Variants in ZNF236 observed in about 807,000 individuals in gnomAD.
ZNF236 encodes the protein regulated by glucose.
In ZNF236, 50 loss-of-function variants were observed where a neutral mutation model predicts 191.2. That is an observed-to-expected ratio of 0.26 (90% CI 0.21 to 0.33). The LOEUF (loss-of-function observed/expected upper bound fraction) is 0.33, where lower values mean the gene tolerates loss of function less well. ZNF236 is among the 10% of genes least tolerant of loss of function. The pLI is 1.00. For missense variants in ZNF236, 1,754 were observed against 2,374.5 expected, an observed-to-expected ratio of 0.74 and a Z score of 5.43; for synonymous variants, 907 against 928.8, an observed-to-expected ratio of 0.98 and a Z score of 0.43.
intron 1 of ZNF236, chr18:76,834,773 C>G: frequency 2.2e-6 from 1 of 459,110 alleles, no homozygotes; most frequent in Non-Finnish European, 4.3e-6. Flanking sequence ...GTACTTGTCT[C>G]TTAGCTCTTT....
intron 26 of ZNF236, among the ~76,000 whole-genome samples, chr18:76,940,639 T>C (rs1968114375): frequency 6.6e-6 from 1 of 152,214 alleles, no homozygotes; most frequent in Non-Finnish European, 1.5e-5. Flanking sequence ...GAGAGCGTAT[T>C]TTCTGTATGT....
Position 76,960,900 on chromosome 18 carries a change from G to A in ZNF236, c.5419+45G>A, listed in dbSNP as rs375475468. On this transcript the variant is annotated intron_variant, in intron 30 of 30. Transcript: ENST00000320610. This position sits in a 1 kb window ranked among gnomAD's most constrained non-coding sequence, Gnocchi z 4.4. Reference sequence around the variant, plus strand: ...GAGTGCGTGCTGTTCGGTGGCCTGCGAGGCACCCTGTGTTTCGCATACATT... The same window carrying A: ...GAGTGCGTGCTGTTCGGTGGCCTGCAAGGCACCCTGTGTTTCGCATACATT... 187 of 1,557,834 alleles carry A rather than the reference G, an allele frequency of 1.2e-4. No homozygotes were observed. Among genetic ancestry groups the A allele is most frequent in the African/African-American group, 6.7e-4 (49 of 73,196 alleles).
intron 3 of ZNF236, among the ~76,000 whole-genome samples, chr18:76,854,910 A>G (rs1975999961): frequency 6.6e-6 from 1 of 152,088 alleles, no homozygotes; most frequent in African/African-American, 2.4e-5. Flanking sequence ...AAAAATGGCT[A>G]TAGTTATATT....
At chr18:76,918,047 A>C (rs1196283620) in intron 19 of ZNF236, among the ~76,000 whole-genome samples, 1 of 151,724 alleles carries the variant, frequency 6.6e-6, no homozygotes. Context: ...TTGTTTTTAA[A>C]TTTACTTATT....
Position 76,851,822 on chromosome 18 carries a change from C to T in ZNF236, c.246C>T (p.Asn82=). Reference sequence around the variant, plus strand: ...CCCAAACATTTAATGTTGAATTCAACCTGACACTTCATAAATGCACCCACA... The same window carrying T: ...CCCAAACATTTAATGTTGAATTCAATCTGACACTTCATAAATGCACCCACA... The part of the protein sequence containing the change: ...QCPQTFNVEF[N]LTLHKCTHSG... Residue 82 remains asparagine, a synonymous_variant, in exon 3 of 31, where the codon AAC becomes AAT. Coordinates refer to ENST00000320610, the MANE Select transcript of ZNF236 (RefSeq NM_001306089.2). 5 of 1,614,036 alleles carry T rather than the reference C, an allele frequency of 3.1e-6. No individual in the cohort carries two copies. Among genetic ancestry groups the T allele is most frequent in the Non-Finnish European group, 4.2e-6 (5 of 1,179,952 alleles).
At chr18:76,950,195 G>A (rs1968370135) in intron 27 of ZNF236, among the ~76,000 whole-genome samples, 1 of 152,112 alleles carries the variant, frequency 6.6e-6, no homozygotes, top group Non-Finnish European at 1.5e-5. Flanking sequence ...TTCCTTTCAT[G>A]AAAGATTTCC....
intron 1 of ZNF236, among the ~76,000 whole-genome samples, chr18:76,837,121 A>ACCCC (rs1257822007): frequency 3.1e-5 from 1 of 32,694 alleles, no homozygotes; most frequent in Non-Finnish European, 7.6e-5. Context: ...AGTGATCCGC[A>ACCCC]CCCCCTCCCC....
chr18:76,877,783 A>G (rs907462123), intron 6 of ZNF236, among the ~76,000 whole-genome samples: 2 of 152,226 alleles, frequency 1.3e-5, no homozygotes, highest in Non-Finnish European at 2.9e-5. Context: ...TTTCTATTTT[A>G]TAGAAAAGAC....
chr18:76,892,173 T>TTG (rs1448358829), intron 9 of ZNF236, among the ~76,000 whole-genome samples: 3 of 127,934 alleles, frequency 2.3e-5, no homozygotes, highest in Non-Finnish European at 4.6e-5. Context: ...TCTGGGTTTT[T>TTG]TTTTTTTTTT....
intron 9 of ZNF236, among the ~76,000 whole-genome samples, chr18:76,892,053 T>G (rs1977253203): frequency 6.6e-6 from 1 of 151,972 alleles, no homozygotes; most frequent in Non-Finnish European, 1.5e-5. Context: ...AGATGATAAA[T>G]TAAACCAGGG....
At position 76,960,670 on chromosome 18, in the gene ZNF236, T is replaced by C; in HGVS notation, c.5243-9T>C. On this transcript the variant is annotated splice_polypyrimidine_tract_variant and intron_variant, in intron 29 of 30. Coordinates refer to ENST00000320610, the MANE Select transcript of ZNF236 (RefSeq NM_001306089.2). This position sits in a 1 kb window ranked among gnomAD's most constrained non-coding sequence, Gnocchi z 4.4. ...TTAGAGACATTGACATATGCCATTT[T>C]CTGTACAGGGGAGCGGCCGTTCCAT... 2 of 1,614,220 alleles carry C rather than the reference T, an allele frequency of 1.2e-6. No individual in the cohort carries two copies. The highest frequency in any genetic ancestry group is 1.7e-6 in the Non-Finnish European group (2 of 1,180,046).
chr18:76,899,299 A>G (rs2122721603), intron 11 of ZNF236, 77 bp downstream of exon 11: 3 of 1,270,780 alleles, frequency 2.4e-6, no homozygotes, highest in East Asian at 4.8e-5. Flanking sequence ...GTGTACACAC[A>G]TTATGGTCTC....
Position 76,927,514 on chromosome 18 carries a change from A to C in ZNF236, c.4411A>C (p.Ser1471Arg). ...GGATTCAGTGCTGACCACTAACAGC[A>C]GTGGTAAGAGCCACTCACTTTTGCT... Reference protein sequence around the residue: ...EQDSVLTTNSSGTQDLTQVMT... With the variant: ...EQDSVLTTNSRGTQDLTQVMT... Residue 1471 changes from serine (S) to arginine (R), a missense_variant, in exon 24 of 31, where the codon AGT (serine) becomes CGT (arginine). By Grantham distance (110) the Ser-to-Arg change is moderately radical. Transcript: ENST00000320610. This position sits in a 1 kb window ranked among gnomAD's most constrained non-coding sequence, Gnocchi z 5.4. 6.2e-7 allele frequency: 1 copy of C among 1,613,540 alleles called. No individual in the cohort carries two copies. The highest frequency in any genetic ancestry group is 8.5e-7 in the Non-Finnish European group (1 of 1,179,826).
intron 1 of ZNF236, among the ~76,000 whole-genome samples, chr18:76,833,829 G>A (rs1229079212): frequency 6.6e-6 from 1 of 151,986 alleles, no homozygotes; most frequent in Non-Finnish European, 1.5e-5. Context: ...TGAGATTTCT[G>A]TGGGGAAATT....
intron 30 of ZNF236, among the ~76,000 whole-genome samples, chr18:76,961,101 A>G (rs1968655841): frequency 6.6e-6 from 1 of 152,152 alleles, no homozygotes; most frequent in Admixed American, 6.5e-5. Context: ...TCGTGCACCC[A>G]TCACCTGAGC....
chr18:76,914,992 G>T (rs1031364804), intron 18 of ZNF236, among the ~76,000 whole-genome samples: 1 of 152,126 alleles, frequency 6.6e-6, no homozygotes, highest in South Asian at 2.1e-4. Flanking sequence ...TGGTTTTAGT[G>T]GATACTGGAA....
chr18:76,940,159 AC>A (rs1238966641), intron 26 of ZNF236, among the ~76,000 whole-genome samples: 1 of 132,936 alleles, frequency 7.5e-6, no homozygotes, highest in African/African-American at 2.9e-5. Flanking sequence ...ACAGTGGGCT[AC>A]CCTAGCACTC....
chr18:76,940,149 A>T (rs1350768649), intron 26 of ZNF236, among the ~76,000 whole-genome samples: 1 of 140,644 alleles, frequency 7.1e-6, no homozygotes, highest in Non-Finnish European at 1.5e-5. Flanking sequence ...ATTTGGGAAC[A>T]CAGTGGGCTA....
chr18:76,895,410 C>A, intron 10 of ZNF236, 125 bp downstream of exon 10: 1 of 1,318,098 alleles, frequency 7.6e-7, no homozygotes, highest in South Asian at 1.4e-5. Flanking sequence ...AAGTACTGCT[C>A]ACAGGGACTG....
Sources: allele counts gnomAD v4.1 joint callset (sites outside exome capture counted in the v4.1 genomes callset), GRCh38; gene constraint gnomAD v4.1.1; non-coding constraint Gnocchi (gnomAD v3.1); transcripts MANE v1.5; gene names NCBI Gene and HGNC (gene_info 2026-07-23, HGNC 2026-07-21).